The following LRBA variants were observed in gnomAD, a reference collection of about 807,000 sequenced individuals.
The protein encoded by LRBA is LPS responsive beige-like anchor protein.
A neutral mutation model predicts 330.0 loss-of-function variants in LRBA; 176 were observed. The observed-to-expected ratio is 0.53, with a 90% CI of 0.47 to 0.60. The LOEUF (loss-of-function observed/expected upper bound fraction) is 0.60, where lower values mean the gene tolerates loss of function less well. Among genes scored for constraint, LRBA ranks in the 20% least tolerant of loss-of-function variants. The pLI is 0.00. For missense variants in LRBA, 3,259 were observed against 3,444.8 expected, an observed-to-expected ratio of 0.95 and a Z score of 1.35; for synonymous variants, 1,230 against 1,193.0, an observed-to-expected ratio of 1.03 and a Z score of -0.64.
intron 2 of LRBA, among the ~76,000 whole-genome samples, chr4:150,940,618 A>C (rs1270619987): frequency 6.6e-6 from 1 of 152,158 alleles, no homozygotes; most frequent in Non-Finnish European, 1.5e-5. Flanking sequence ...ATACATTTTT[A>C]AAATACAACT....
chr4:150,962,174 G>A (rs1444987106), intron 2 of LRBA, among the ~76,000 whole-genome samples: 1 of 149,296 alleles, frequency 6.7e-6, no homozygotes, highest in Non-Finnish European at 1.5e-5. Context: ...TTCTACATAT[G>A]TTCAAATGGA....
intron 28 of LRBA, among the ~76,000 whole-genome samples, chr4:150,837,468 C>T (rs1005706148): frequency 2.0e-5 from 3 of 152,164 alleles, no homozygotes; most frequent in Non-Finnish European, 2.9e-5. Flanking sequence ...GCTTTATGAA[C>T]CTGGGTACTC....
At chr4:150,307,907 T>C (rs2126870087) in intron 52 of LRBA, among the ~76,000 whole-genome samples, 1 of 152,236 alleles carries the variant, frequency 6.6e-6, no homozygotes, top group South Asian at 2.1e-4. Flanking sequence ...AGAATAAAGA[T>C]GCAAACTATA....
Position 150,683,558 on chromosome 4 carries a change from C to G in LRBA, c.5914G>C (p.Ala1972Pro). Reference protein sequence around the residue: ...TDKHGAWGNSAVSRPLEFWRL... With the variant: ...TDKHGAWGNSPVSRPLEFWRL... Reference sequence around the variant, plus strand: ...CTAAAGGTATCCCTTTACCTCACTGCAGAATTTCCCCAGGCTCCATGCTTG... The same window carrying G: ...CTAAAGGTATCCCTTTACCTCACTGGAGAATTTCCCCAGGCTCCATGCTTG... Residue 1972 changes from alanine to proline, a missense_variant, in exon 37 of 57, where the codon GCA becomes CCA. Transcript: ENST00000651943. 1 of 1,613,654 alleles carries G rather than the reference C, an allele frequency of 6.2e-7. No homozygotes were observed. The highest frequency in any genetic ancestry group is 8.5e-7 in the Non-Finnish European group (1 of 1,179,746).
At chr4:150,765,505 G>A (rs113800580) in intron 34 of LRBA, among the ~76,000 whole-genome samples, 3 of 151,966 alleles carry the variant, frequency 2.0e-5, no homozygotes, top group African/African-American at 7.3e-5. Flanking sequence ...GAGTGTGTAG[G>A]GGAAAGGGAA....
At chr4:150,860,802 C>T (rs376422596) in intron 22 of LRBA, among the ~76,000 whole-genome samples, 36 of 151,180 alleles carry the variant, frequency 2.4e-4, no homozygotes, top group Middle Eastern at 6.8e-3. Context: ...GGCGACAGAG[C>T]GAGACTCCGT....
At chr4:150,409,947 C>T (rs996846806) in intron 47 of LRBA, among the ~76,000 whole-genome samples, 1 of 152,040 alleles carries the variant, frequency 6.6e-6, no homozygotes, top group East Asian at 1.9e-4. Context: ...AGGGAGATAC[C>T]CTCAGCTAAC....
At chr4:150,433,048 A>G (rs1258423444) in intron 46 of LRBA, among the ~76,000 whole-genome samples, 1 of 152,192 alleles carries the variant, frequency 6.6e-6, no homozygotes, top group Non-Finnish European at 1.5e-5. Context: ...GAGAATATAC[A>G]CATTGGTGGA....
chr4:150,872,740 A>C lies in LRBA; in HGVS notation c.2181T>G (p.Leu727=). 6.3e-7 allele frequency: 1 copy of C among 1,593,576 alleles called. No homozygotes were observed. The change falls in exon 18 of 57, where the codon CTT becomes CTG. Residue 727 remains leucine (L), a synonymous_variant. Transcript: ENST00000651943. ...TGATTCCTTCACTTTTCGATGCCAG[A>C]AGTTTGTAGATAACACTGAATGAAT... ...QRNGLRVIYK[L]LASKSEGIRV...
In LRBA at chr4:150,602,762, T is replaced by C. The variant is rs1483172004; in HGVS notation, c.5922-3631A>G. Among the ~76,000 whole-genome samples the C allele has an allele frequency of 2.6e-5, 4 of 152,272 alleles. 1 individual carries two copies. The highest frequency in any genetic ancestry group is 1.9e-4 in the East Asian group (1 of 5,182). On this transcript the variant is annotated intron_variant, in intron 37 of 56. Coordinates refer to ENST00000651943, the MANE Select transcript of LRBA (RefSeq NM_001364905.1). ...AAAATTGGCAAATTTATTAATAACATAGTGATCCAACCCTCTTCCCAAAAG... is the reference window on the plus strand; with the variant it reads ...AAAATTGGCAAATTTATTAATAACACAGTGATCCAACCCTCTTCCCAAAAG...
intron 56 of LRBA, among the ~76,000 whole-genome samples, chr4:150,273,514 T>G (rs1192225831): frequency 6.6e-6 from 1 of 152,028 alleles, no homozygotes; most frequent in African/African-American, 2.4e-5. Context: ...AGACACAGAC[T>G]GGCAAATTGG....
At chr4:150,749,041 C>A (rs1410487347) in intron 35 of LRBA, among the ~76,000 whole-genome samples, 1 of 152,030 alleles carries the variant, frequency 6.6e-6, no homozygotes, top group African/African-American at 2.4e-5. Flanking sequence ...TATAAATTAC[C>A]CAGTCTCAGG....
intron 35 of LRBA, among the ~76,000 whole-genome samples, chr4:150,761,212 C>T (rs1402995368): frequency 6.6e-6 from 1 of 152,026 alleles, no homozygotes; most frequent in Non-Finnish European, 1.5e-5. Flanking sequence ...TGATTTCACT[C>T]TTTTACATTT....
chr4:150,313,799 T>A (rs1731371277), intron 51 of LRBA, among the ~76,000 whole-genome samples: 1 of 149,830 alleles, frequency 6.7e-6, no homozygotes, highest in Non-Finnish European at 1.5e-5. Context: ...TAGCCAAGTC[T>A]AAACACAAAA....
chr4:150,980,371 A>G (rs998982742), intron 2 of LRBA, among the ~76,000 whole-genome samples: 1 of 152,274 alleles, frequency 6.6e-6, no homozygotes, highest in Non-Finnish European at 1.5e-5. Flanking sequence ...ATAGTATCAT[A>G]CTGATGGGGG....
chr4:150,668,721 T>C (rs1781785350), intron 37 of LRBA, among the ~76,000 whole-genome samples: 1 of 152,188 alleles, frequency 6.6e-6, no homozygotes, highest in African/African-American at 2.4e-5. Flanking sequence ...GGAAAGATTA[T>C]TTCAAAAACA....
At chr4:150,739,378 G>T (rs1175386454) in intron 35 of LRBA, among the ~76,000 whole-genome samples, 3 of 152,034 alleles carry the variant, frequency 2.0e-5, no homozygotes, top group African/African-American at 4.8e-5. Context: ...AAAATGCGGG[G>T]TCACAAAGCA....
At chr4:150,788,070 A>T (rs1008613847) in intron 34 of LRBA, among the ~76,000 whole-genome samples, 4 of 151,858 alleles carry the variant, frequency 2.6e-5, no homozygotes, top group African/African-American at 9.7e-5. Flanking sequence ...GTGTCTGATT[A>T]AATCTTTTTG....
intron 34 of LRBA, among the ~76,000 whole-genome samples, chr4:150,792,502 G>A (rs1050810546): frequency 1.3e-5 from 2 of 151,894 alleles, no homozygotes; most frequent in East Asian, 3.9e-4. Flanking sequence ...TAAAGTTGAC[G>A]TTTTTTATTT....
Sources: allele counts gnomAD v4.1 joint callset (sites outside exome capture counted in the v4.1 genomes callset), GRCh38; gene constraint gnomAD v4.1.1; transcripts MANE v1.5; gene names NCBI Gene and HGNC (gene_info 2026-07-23, HGNC 2026-07-21).